Variants in CDYL observed in about 807,000 individuals in gnomAD.
CDYL encodes the protein chromodomain Y-like protein.
In CDYL, 8 loss-of-function variants were observed where a neutral mutation model predicts 47.3. The observed-to-expected ratio is 0.17, with a 90% CI of 0.10 to 0.31. CDYL has a LOEUF of 0.31. Among genes scored for constraint, CDYL ranks in the 10% least tolerant of loss-of-function variants. The pLI, the probability that CDYL is intolerant of heterozygous loss-of-function variation, is 1.00. For synonymous variants in CDYL, 266 were observed against 265.0 expected (o/e 1.00, Z -0.04); for missense variants, 471 against 701.4 (o/e 0.67, Z 3.71).
At chr6:4,860,514 AT>A (rs1469753802) in intron 1 of CDYL, among the ~76,000 whole-genome samples, 3 of 147,536 alleles carry the variant, frequency 2.0e-5, no homozygotes, top group African/African-American at 7.4e-5. Flanking sequence ...TATATAAAAA[AT>A]ATATATATAA....
intron 1 of CDYL, among the ~76,000 whole-genome samples, chr6:4,815,981 T>TC (rs1201852936): frequency 6.7e-6 from 1 of 149,194 alleles, no homozygotes; most frequent in East Asian, 1.9e-4. Flanking sequence ...GGTTTTTTTT[T>TC]TTTTTGACGT....
chr6:4,914,577 C>A (rs1356627044), intron 2 of CDYL, among the ~76,000 whole-genome samples: 1 of 152,190 alleles, frequency 6.6e-6, no homozygotes, highest in Non-Finnish European at 1.5e-5. Context: ...TGCCTTGCAA[C>A]CTCAGCCATC....
intron 2 of CDYL, among the ~76,000 whole-genome samples, chr6:4,925,870 T>G (rs527937966): frequency 5.5e-4 from 84 of 152,268 alleles, no homozygotes; most frequent in African/African-American, 1.9e-3. Flanking sequence ...TGAATAAGAA[T>G]AGCCCGGCAG....
rs569061824 is a variant in CDYL, at chr6:4,943,769, T to TAAAA, written c.1332+13_1332+14insAAAA. The TAAAA allele has an allele frequency of 1.5e-5, 18 of 1,210,510 alleles. No individual in the cohort carries two copies. Among genetic ancestry groups the TAAAA allele is most frequent in the African/African-American group, 3.9e-5 (2 of 51,256 alleles). 75.0% of individuals were successfully genotyped at this position (1,210,510 alleles called of 1,614,324 possible). A position where few individuals can be genotyped will look rare whatever the true frequency, so the allele number is the denominator to read the frequency against. On this transcript the variant is annotated intron_variant, in intron 5 of 6. Transcript: ENST00000397588. ...GGGAGGAGCATCTGTGAGTACCTTT[T>TAAAA]TAAAAAAAAAAAAAAAAAGTCATTC...
intron 3 of CDYL, among the ~76,000 whole-genome samples, chr6:4,743,567 G>A (rs1487996413): frequency 6.6e-6 from 1 of 152,140 alleles, no homozygotes; most frequent in Non-Finnish European, 1.5e-5. Context: ...TTCAGGAAAT[G>A]GCAATTTTGA....
At chr6:4,830,531 T>C (rs1330700875) in intron 1 of CDYL, among the ~76,000 whole-genome samples, 1 of 152,204 alleles carries the variant, frequency 6.6e-6, no homozygotes, top group East Asian at 1.9e-4. Flanking sequence ...TTTAAATTGG[T>C]GCTTGATCTG....
chr6:4,729,284 C>A (rs529931680), intron 2 of CDYL, among the ~76,000 whole-genome samples: 1 of 152,290 alleles, frequency 6.6e-6, no homozygotes, highest in Non-Finnish European at 1.5e-5. Flanking sequence ...GCCCTACAGC[C>A]TGTTTTTGCT....
intron 1 of CDYL, among the ~76,000 whole-genome samples, chr6:4,872,077 G>A (rs1045520948): frequency 5.9e-5 from 9 of 152,180 alleles, no homozygotes; most frequent in African/African-American, 2.2e-4. Flanking sequence ...TGTGGTTTGA[G>A]TAGTCTTTTG....
rs375441994 is a variant in CDYL, at chr6:4,895,675, A to G, written c.691+3296A>G. 4.6e-5 allele frequency among the ~76,000 whole-genome samples: 7 copies of G among 152,232 alleles called. No homozygotes were observed. In the East Asian group the frequency reaches 1.2e-3, roughly 25 times the overall value. The stretch of plus-strand genomic sequence containing the variant: ...CAGTTTTGGTTGGAGACCACCTCCA[A>G]TGCGATCTTGCTGGTTCCCTCTCGT... On this transcript the variant is annotated intron_variant, in intron 2 of 6. Coordinates refer to ENST00000397588, the MANE Select transcript of CDYL (RefSeq NM_004824.4).
At chr6:4,739,846 G>A (rs1462640056) in intron 3 of CDYL, among the ~76,000 whole-genome samples, 1 of 151,856 alleles carries the variant, frequency 6.6e-6, no homozygotes, top group East Asian at 1.9e-4. Flanking sequence ...CCAGCTACTC[G>A]GGAGGCTGAG....
At chr6:4,953,870 C>CTA in intron 6 of CDYL, 28 bp from the exon 7 acceptor site, 1 of 1,606,708 alleles carries the variant, frequency 6.2e-7, no homozygotes, top group Non-Finnish European at 8.5e-7. Flanking sequence ...ATGCACCCTG[C>CTA]TAACTGGCTG....
intron 1 of CDYL, among the ~76,000 whole-genome samples, chr6:4,806,606 T>G (rs986223735): frequency 6.6e-6 from 1 of 152,214 alleles, no homozygotes; most frequent in Non-Finnish European, 1.5e-5. Context: ...GTATTCACAC[T>G]GCACGTTTTC....
At chr6:4,831,068 G>T (rs911643438) in intron 1 of CDYL, among the ~76,000 whole-genome samples, 24 of 152,022 alleles carry the variant, frequency 1.6e-4, no homozygotes, top group Non-Finnish European at 2.9e-4. Flanking sequence ...AAACATACTT[G>T]TGCATGTGTC....
chr6:4,782,935 A>C (rs1457034135), intron 1 of CDYL, among the ~76,000 whole-genome samples: 1 of 152,226 alleles, frequency 6.6e-6, no homozygotes, highest in Admixed American at 6.5e-5. Flanking sequence ...TTTTGCAGCT[A>C]TGCATACATG....
chr6:4,912,464 A>C (rs1355660583), intron 2 of CDYL, among the ~76,000 whole-genome samples: 1 of 152,276 alleles, frequency 6.6e-6, no homozygotes, highest in Non-Finnish European at 1.5e-5. Flanking sequence ...GCGCACTTAC[A>C]GTTGCTGACT....
intron 1 of CDYL, among the ~76,000 whole-genome samples, chr6:4,878,554 T>G (rs996287719): frequency 6.6e-6 from 1 of 152,076 alleles, no homozygotes; most frequent in Non-Finnish European, 1.5e-5. Flanking sequence ...ATGTCTACTT[T>G]TACGATGATG....
chr6:4,797,051 C>A (rs1297531496), intron 1 of CDYL, among the ~76,000 whole-genome samples: 1 of 152,170 alleles, frequency 6.6e-6, no homozygotes, highest in Non-Finnish European at 1.5e-5. Flanking sequence ...TCAATAATTT[C>A]TCCTGGAATG....
chr6:4,723,287 G>A (rs538451089), intron 2 of CDYL, among the ~76,000 whole-genome samples: 10 of 152,200 alleles, frequency 6.6e-5, no homozygotes, highest in African/African-American at 2.4e-4. Flanking sequence ...CATTATATCA[G>A]GGACTTGAGC....
intron 2 of CDYL, among the ~76,000 whole-genome samples, chr6:4,900,784 T>TGG (rs1400647578): frequency 3.3e-5 from 1 of 30,522 alleles, no homozygotes; most frequent in Admixed American, 3.2e-4. Flanking sequence ...CGTGTGTATA[T>TGG]ATATATATAT....
Sources: allele counts gnomAD v4.1 joint callset (sites outside exome capture counted in the v4.1 genomes callset), GRCh38; gene constraint gnomAD v4.1.1; transcripts MANE v1.5; gene names NCBI Gene and HGNC (gene_info 2026-07-23, HGNC 2026-07-21).